The following APOB variants were observed in gnomAD, a reference collection of about 807,000 sequenced individuals.
The protein encoded by APOB is apolipoprotein B.
In APOB, 153 loss-of-function variants were observed where a neutral mutation model predicts 314.1. That is an observed-to-expected ratio of 0.49 (90% CI 0.43 to 0.56). The LOEUF (loss-of-function observed/expected upper bound fraction) is 0.56. Ranked by LOEUF, APOB falls within the 20% of genes least tolerant of loss-of-function variation. The pLI, the probability that APOB is intolerant of heterozygous loss-of-function variation, is 0.00. For missense variants in APOB, 5,430 were observed against 5,350.7 expected, an observed-to-expected ratio of 1.01 and a Z score of -0.46; for synonymous variants, 2,087 against 2,036.4, an observed-to-expected ratio of 1.02 and a Z score of -0.67.
At position 21,035,674 on chromosome 2, in the gene APOB, T is replaced by A. The variant is rs765507106; in HGVS notation, c.728A>T (p.Gln243Leu). 4 of 1,613,974 alleles carry A rather than the reference T, an allele frequency of 2.5e-6. No individual in the cohort carries two copies. The highest frequency in any genetic ancestry group is 3.3e-5 in the Admixed American group (2 of 60,006). Residue 243 changes from glutamine (Q) to leucine (L), a missense_variant, in exon 7 of 29, where the codon CAG (glutamine) becomes CTG (leucine). Transcript: ENST00000233242. ...RPLSTLISSS[Q>L]SCQYTLDAKR... is the part of the protein sequence containing the mutation. ...AGCGTCCAGTGTGTACTGACAGGAC[T>A]GGCTGCTGCTGATCAGAGTTGACAA...
At chr2:21,021,532 T>G (rs1268494333) in intron 18 of APOB, among the ~76,000 whole-genome samples, 1 of 152,148 alleles carries the variant, frequency 6.6e-6, no homozygotes, top group Admixed American at 6.5e-5. Context: ...GAGTCCAAAC[T>G]CCTTAGGATG....
chr2:21,012,604 A>G lies in APOB; in HGVS notation c.4264T>C (p.Cys1422Arg), dbSNP rs1291611259. 1.2e-6 allele frequency: 2 copies of G among 1,613,236 alleles called. No individual in the cohort carries two copies. The highest frequency in any genetic ancestry group is 1.3e-5 in the African/African-American group (1 of 74,938). Residue 1422 changes from cysteine (C) to arginine (R), a missense_variant, in exon 26 of 29, where the codon TGT becomes CGT. Physicochemically the swap from Cys to Arg is radical, Grantham distance 180. Coordinates refer to ENST00000233242, the MANE Select transcript of APOB (RefSeq NM_000384.3). ...AATTTGTGGCGTAGAGACCCATCACATGATAGTGTGAACGTATTCTTGTGG... is the reference window on the plus strand; with the variant it reads ...AATTTGTGGCGTAGAGACCCATCACGTGATAGTGTGAACGTATTCTTGTGG... ...YDHKNTFTLS[C>R]DGSLRHKFLD...
At position 21,009,809 on chromosome 2, in the gene APOB, T is replaced by A; in HGVS notation, c.7059A>T (p.Gln2353His). 6.2e-7 allele frequency: 1 copy of A among 1,614,050 alleles called. No homozygotes were observed. Among genetic ancestry groups the A allele is most frequent in the Non-Finnish European group, 8.5e-7 (1 of 1,179,980 alleles). ...ELIERYEVDQ[Q>H]IQVLMDKLVE... The stretch of plus-strand genomic sequence containing the variant: ...CTAATTTATCCATTAAAACCTGGAT[T>A]TGTTGGTCTACTTCATACCTCTCGA... Residue 2353 changes from glutamine (Q) to histidine (H), a missense_variant, in exon 26 of 29, where the codon CAA becomes CAT. Around this residue, in one of 3 missense-constraint regions of APOB, gnomAD observed 3,281 missense variants for 3,171.0 expected, o/e 1.03. Coordinates refer to ENST00000233242, the MANE Select transcript of APOB (RefSeq NM_000384.3).
chr2:21,004,483 G>A (rs746059181), intron 27 of APOB, 31 bp from the exon 28 acceptor site: 15 of 1,613,452 alleles, frequency 9.3e-6, no homozygotes, highest in South Asian at 6.6e-5. Context: ...GAGCTATCAC[G>A]AAAGGGGTAT....
chr2:21,013,101 C>T, intron 25 of APOB, 59 bp downstream of exon 25: 2 of 1,610,284 alleles, frequency 1.2e-6, no homozygotes, highest in Non-Finnish European at 1.7e-6. Flanking sequence ...GGAGGAGGCT[C>T]TCCTCTTAGA....
At chr2:21,030,724 T>G (rs771319809) in intron 10 of APOB, among the ~76,000 whole-genome samples, 2 of 152,146 alleles carry the variant, frequency 1.3e-5, no homozygotes, top group African/African-American at 2.4e-5. Flanking sequence ...ATATCCGGAA[T>G]GTACAAGCAA....
intron 18 of APOB, among the ~76,000 whole-genome samples, chr2:21,021,386 G>C (rs780489733): frequency 7.2e-5 from 11 of 152,138 alleles, no homozygotes; most frequent in Non-Finnish European, 1.3e-4. Context: ...AGGATCGTAA[G>C]AGATGTCCAA....
intron 18 of APOB, among the ~76,000 whole-genome samples, chr2:21,021,888 C>T (rs7589300): frequency 7.7e-4 from 117 of 152,266 alleles, no homozygotes; most frequent in Non-Finnish European, 1.2e-3. Flanking sequence ...AAAATGTAAG[C>T]GTTCAAAGGT....
intron 15 of APOB, 92 bp downstream of exon 15, chr2:21,026,696 A>T (rs1572794986): frequency 1.9e-6 from 2 of 1,041,108 alleles, no homozygotes; most frequent in East Asian, 4.7e-5. Flanking sequence ...CTTCAGTTAG[A>T]TAGTATTTTG....
chr2:21,027,072 C>T (rs1452239978), intron 14 of APOB, 108 bp from the exon 15 acceptor site: 8 of 1,005,360 alleles, frequency 8.0e-6, no homozygotes, highest in Admixed American at 5.8e-5. Flanking sequence ...ATTTGAATAC[C>T]ACAGGCCAGG....
intron 18 of APOB, among the ~76,000 whole-genome samples, chr2:21,021,449 G>GTCAGAGTA (rs1174788925): frequency 1.3e-5 from 2 of 152,106 alleles, no homozygotes; most frequent in African/African-American, 4.8e-5. Context: ...CCACACTAGA[G>GTCAGAGTA]TCAGAGTATT....
At position 21,019,806 on chromosome 2, in the gene APOB, G is replaced by C. The variant is rs757039014; in HGVS notation, c.2916C>G (p.Gly972=). Residue 972 remains glycine, a synonymous_variant, in exon 19 of 29, where the codon GGC becomes GGG. Transcript: ENST00000233242. ...AAGCGCCTGAGGTGCAGTAATTCAG[G>C]CCAGGAAAGACTTGCTTGCAAACTG... ...SWSVCKQVFP[G]LNYCTSGAYS... 1 of 1,614,118 alleles carries C rather than the reference G, an allele frequency of 6.2e-7. No individual in the cohort carries two copies. The highest frequency in any genetic ancestry group is 1.7e-5 in the Admixed American group (1 of 60,018).
intron 18 of APOB, 148 bp downstream of exon 18, chr2:21,022,683 G>A (rs1486289510): frequency 2.8e-6 from 2 of 712,656 alleles, no homozygotes; most frequent in South Asian, 3.3e-5. Context: ...ATTAAAATAG[G>A]TAACCCGGAA....
intron 28 of APOB, 61 bp from the exon 29 acceptor site, chr2:21,003,395 A>G: frequency 1.4e-6 from 2 of 1,405,756 alleles, no homozygotes; most frequent in Non-Finnish European, 2.0e-6. Flanking sequence ...ACAATATAGT[A>G]CACTAAAACT....
intron 4 of APOB, among the ~76,000 whole-genome samples, chr2:21,039,218 C>G (rs941841890): frequency 1.3e-5 from 2 of 152,256 alleles, no homozygotes; most frequent in East Asian, 3.8e-4. Context: ...GGACAGCACA[C>G]TTTTCCTCAC....
intron 12 of APOB, 139 bp downstream of exon 12, chr2:21,029,500 G>A (rs1383080573): frequency 1.2e-6 from 1 of 833,350 alleles, no homozygotes; most frequent in Non-Finnish European, 1.9e-6. Flanking sequence ...AGGGAGGAAG[G>A]AAGGAAGGAA....
rs750678757 is a variant in APOB at position 21,038,119 on chromosome 2, A to G, written c.384-8T>C. ...GCCAGCTTGAGCTCATACCTGTCCC[A>G]GAGAGAGGATGGTCACGGAAATGTC... On this transcript the variant is annotated splice_polypyrimidine_tract_variant and splice_region_variant and intron_variant, in intron 4 of 28. Coordinates refer to ENST00000233242, the MANE Select transcript of APOB (RefSeq NM_000384.3). 3.7e-5 allele frequency: 59 copies of G among 1,613,676 alleles called. No individual in the cohort carries two copies. Among genetic ancestry groups the G allele is most frequent in the Non-Finnish European group, 4.3e-5 (51 of 1,180,014 alleles).
rs1572785504 is a variant in APOB, at chr2:21,012,324, T to C, written c.4544A>G (p.Asn1515Ser). Reference protein sequence around the residue: ...CQRDPNTGRLNGESNLRFNSS... With the variant: ...CQRDPNTGRLSGESNLRFNSS... ...GTTAAACCTCAGGTTGGACTCTCCA[T>C]TGAGCCGGCCAGTGTTAGGATCCCT... is the stretch of plus-strand genomic sequence containing the variant. Residue 1515 changes from asparagine to serine, a missense_variant, in exon 26 of 29, where the codon AAT (asparagine) becomes AGT (serine). Coordinates refer to ENST00000233242, the MANE Select transcript of APOB (RefSeq NM_000384.3). The C allele has an allele frequency of 1.2e-6, 2 of 1,614,198 alleles. No homozygotes were observed. Among genetic ancestry groups the C allele is most frequent in the Non-Finnish European group, 1.7e-6 (2 of 1,180,038 alleles).
At chr2:21,028,179 A>G (rs1219408850) in intron 13 of APOB, 114 bp from the exon 14 acceptor site, 6 of 1,139,750 alleles carry the variant, frequency 5.3e-6, no homozygotes, top group Non-Finnish European at 8.0e-6. Context: ...GATTTCATTG[A>G]CCCTAAGTCT....
Sources: allele counts gnomAD v4.1 joint callset (sites outside exome capture counted in the v4.1 genomes callset), GRCh38; gene constraint gnomAD v4.1.1; regional missense constraint gnomAD v4.1.1; transcripts MANE v1.5; gene names NCBI Gene and HGNC (gene_info 2026-07-23, HGNC 2026-07-21).